C1QTNF9: variants seen among roughly 807,000 people sequenced by gnomAD.
C1QTNF9 encodes C1q and TNF related 9.
A neutral mutation model predicts 10.1 loss-of-function variants in C1QTNF9; 6 were observed. The observed-to-expected ratio is 0.59, with a 90% CI of 0.32 to 1.17. C1QTNF9 has a LOEUF of 1.17. C1QTNF9 is among the 50% of genes most tolerant of loss of function. The probability of loss-of-function intolerance (pLI) is 0.04; values close to 1 mark genes in which losing one functional copy is unlikely to be tolerated. For synonymous variants in C1QTNF9, 98 were observed against 163.5 expected (o/e 0.60, Z 3.06); for missense variants, 201 against 418.8 (o/e 0.48, Z 4.54).
At chr13:24,316,292 A>C (rs959261474) in intron 2 of C1QTNF9, 123 bp downstream of exon 2, 159 of 1,392,466 alleles carry the variant, frequency 1.1e-4, no homozygotes, top group African/African-American at 1.1e-3. Context: ...TACATACATC[A>C]ACCCAGCAAC....
chr13:24,321,479 C>A, exon 4 of C1QTNF9: 1 of 1,613,502 alleles, frequency 6.2e-7, no homozygotes, highest in African/African-American at 1.3e-5. Context: ...GATACAGCAG[C>A]GGGGAAATTC....
intron 1 of C1QTNF9, among the ~76,000 whole-genome samples, chr13:24,314,456 G>C (rs1473379658): frequency 6.6e-6 from 1 of 152,108 alleles, no homozygotes; most frequent in Non-Finnish European, 1.5e-5. Context: ...GCCAAGACAG[G>C]CAGATCACCT....
intron 2 of C1QTNF9, among the ~76,000 whole-genome samples, 190 bp downstream of exon 2, chr13:24,316,359 G>A (rs9511197): frequency 0.2 from 30,036 of 151,688 alleles, 3,121 homozygotes; most frequent in East Asian, 0.31. Flanking sequence ...CAACACTCAC[G>A]GGGTCTGCTC....
At position 24,318,812 on chromosome 13, in the gene C1QTNF9, A is replaced by G. The variant is rs573399680; in HGVS notation, c.167-6A>G. 66 of 1,614,150 alleles carry G rather than the reference A, an allele frequency of 4.1e-5. No individual in the cohort carries two copies. The African/African-American group carries it at 8.3e-4, about 20-fold the overall frequency. On this transcript the variant is annotated splice_region_variant and splice_polypyrimidine_tract_variant and intron_variant, in intron 2 of 3. Transcript: ENST00000332018. ...ACTCATGCCTGTTTTCTGCTTTTCC[A>G]CCTAGGAGAACCAGGACGTCCTGGC...
upstream of C1QTNF9, among the ~76,000 whole-genome samples, chr13:24,308,576 A>G (rs956407500): frequency 2.6e-5 from 4 of 152,202 alleles, no homozygotes; most frequent in African/African-American, 9.6e-5. Flanking sequence ...GGGGCGAGTA[A>G]GGCGGGAGAG....
intron 2 of C1QTNF9, among the ~76,000 whole-genome samples, chr13:24,316,848 C>T (rs1243829337): frequency 6.6e-6 from 1 of 152,134 alleles, no homozygotes; most frequent in African/African-American, 2.4e-5. Context: ...AATGGGGTAC[C>T]ATTCTTGAGG....
chr13:24,321,768 A>AT (rs1878285731), exon 4 of C1QTNF9: 1 of 1,552,020 alleles, frequency 6.4e-7, no homozygotes, highest in Non-Finnish European at 8.7e-7. Context: ...GCAGCCCGTG[A>AT]CAGAGGAGAG....
chr13:24,312,472 G>A (rs1877866394), intron 1 of C1QTNF9, among the ~76,000 whole-genome samples: 1 of 152,188 alleles, frequency 6.6e-6, no homozygotes, highest in Admixed American at 6.5e-5. Flanking sequence ...AGTCAAGAGT[G>A]TAACTGTAGT....
chr13:24,309,308 T>TATATATATATATATATATATATATATAG (rs1480664232), upstream of C1QTNF9, among the ~76,000 whole-genome samples: 1 of 141,558 alleles, frequency 7.1e-6, no homozygotes, highest in Non-Finnish European at 1.5e-5. Flanking sequence ...TATATATATA[T>TATATATATATATATATATATATATATAG]GAAAGAAACC....
chr13:24,321,831 A>T (rs1878288981), exon 4 of C1QTNF9: 1 of 1,481,200 alleles, frequency 6.8e-7, no homozygotes. Flanking sequence ...GAACTTATTC[A>T]GATGGTTTTA....
chr13:24,310,911 CAAAAA>C (rs58299891), intron 1 of C1QTNF9, among the ~76,000 whole-genome samples: 51 of 83,018 alleles, frequency 6.1e-4, no homozygotes, highest in Admixed American at 1.1e-3. Flanking sequence ...GGCTCTGTCT[CAAAAA>C]AAAAAAAAAA....
At chr13:24,319,782 G>A (rs186552658) in intron 3 of C1QTNF9, among the ~76,000 whole-genome samples, 2 of 152,150 alleles carry the variant, frequency 1.3e-5, no homozygotes, top group African/African-American at 2.4e-5. Context: ...GGATGTAGTC[G>A]TAGTGGCAAA....
At chr13:24,320,743 G>GT (rs2138812526) in intron 3 of C1QTNF9, among the ~76,000 whole-genome samples, 1 of 151,354 alleles carries the variant, frequency 6.6e-6, no homozygotes, top group Admixed American at 6.6e-5. Context: ...TAGAGTCAGG[G>GT]TATTGCTATG....
intron 1 of C1QTNF9, chr13:24,315,713 G>A (rs1593533540): frequency 1.8e-5 from 9 of 501,058 alleles, no homozygotes; most frequent in Non-Finnish European, 2.8e-5. Context: ...AATGATGAAC[G>A]GAAGAGTATC....
chr13:24,320,056 G>A (rs1020413995), intron 3 of C1QTNF9, among the ~76,000 whole-genome samples: 15 of 152,210 alleles, frequency 9.9e-5, no homozygotes, highest in East Asian at 1.9e-4. Flanking sequence ...ATGAATTGCC[G>A]GTGGGATAGG....
At chr13:24,315,712 C>T (rs1028002201) in intron 1 of C1QTNF9, 59 of 502,390 alleles carry the variant, frequency 1.2e-4, no homozygotes, top group Non-Finnish European at 1.5e-4. Flanking sequence ...AAATGATGAA[C>T]GGAAGAGTAT....
intron 1 of C1QTNF9, 52 bp from the exon 2 acceptor site, chr13:24,315,930 A>G (rs1302026691): frequency 1.9e-6 from 3 of 1,585,946 alleles, no homozygotes; most frequent in East Asian, 2.2e-5. Flanking sequence ...GGCTGTGTCC[A>G]GGGCCCCAGC....
chr13:24,314,694 C>A (rs73455794), intron 1 of C1QTNF9, among the ~76,000 whole-genome samples: 4,620 of 151,730 alleles, frequency 0.03, 222 homozygotes, highest in African/African-American at 0.1. Flanking sequence ...AAAACAAAAC[C>A]AAACCCAGGT....
At chr13:24,318,702 C>T (rs1464181283) in intron 2 of C1QTNF9, 116 bp from the exon 3 acceptor site, 80 of 1,403,374 alleles carry the variant, frequency 5.7e-5, no homozygotes, top group Admixed American at 2.6e-4. Context: ...ACAGAGTGCC[C>T]GTCAGGGCGG....
Sources: allele counts gnomAD v4.1 joint callset (sites outside exome capture counted in the v4.1 genomes callset), GRCh38; gene constraint gnomAD v4.1.1; transcripts MANE v1.5; gene names NCBI Gene and HGNC (gene_info 2026-07-23, HGNC 2026-07-21).